Variants in SMYD3 observed in about 807,000 individuals in gnomAD.
SMYD3 encodes SET and MYND domain containing 3.
SMYD3 carries 36 observed loss-of-function variants against 57.7 expected under a neutral mutation model. The observed-to-expected ratio is 0.62, with a 90% CI of 0.48 to 0.82. The LOEUF is 0.82. Ranked by LOEUF, SMYD3 falls within the 40% of genes least tolerant of loss-of-function variation. The probability of loss-of-function intolerance (pLI) is 0.00; values close to 1 mark genes in which losing one functional copy is unlikely to be tolerated. For synonymous variants in SMYD3, 211 were observed against 195.0 expected, an observed-to-expected ratio of 1.08 and a Z score of -0.68; for missense variants, 515 against 538.8, an observed-to-expected ratio of 0.96 and a Z score of 0.44.
chr1:246,088,768 A>G (rs1303487996), intron 5 of SMYD3, among the ~76,000 whole-genome samples: 2 of 152,172 alleles, frequency 1.3e-5, no homozygotes, highest in African/African-American at 4.8e-5. Flanking sequence ...CTTTGTCACA[A>G]TACACTTCCT....
At chr1:245,755,835 G>A (rs1222349729) in intron 11 of SMYD3, among the ~76,000 whole-genome samples, 1 of 151,890 alleles carries the variant, frequency 6.6e-6, no homozygotes, top group East Asian at 1.9e-4. Context: ...TTAAAAATCT[G>A]TTCTACTAAT....
intron 10 of SMYD3, among the ~76,000 whole-genome samples, chr1:245,781,246 A>G (rs1041656918): frequency 4.9e-4 from 75 of 152,256 alleles, no homozygotes; most frequent in Non-Finnish European, 1.8e-4. Flanking sequence ...TATGTAAATT[A>G]TGCTTCAATA....
At chr1:245,887,481 G>A (rs990645637) in intron 8 of SMYD3, among the ~76,000 whole-genome samples, 6 of 151,996 alleles carry the variant, frequency 3.9e-5, no homozygotes, top group Non-Finnish European at 5.9e-5. Flanking sequence ...TTTTGGACTC[G>A]CCCTGAATTC....
intron 5 of SMYD3, among the ~76,000 whole-genome samples, chr1:245,976,070 A>ATGTTATT (rs1307190882): frequency 7.6e-5 from 2 of 26,310 alleles, no homozygotes; most frequent in Non-Finnish European, 2.2e-4. Flanking sequence ...TCTCTAGCCT[A>ATGTTATT]GGGAAAGCCA....
chr1:246,166,904 G>C (rs568006900), intron 5 of SMYD3, among the ~76,000 whole-genome samples: 2 of 152,292 alleles, frequency 1.3e-5, no homozygotes, highest in African/African-American at 2.4e-5. Flanking sequence ...TCACTACAGA[G>C]GAAAACTCGA....
At chr1:245,765,353 C>A (rs1427880152) in intron 10 of SMYD3, among the ~76,000 whole-genome samples, 1 of 151,566 alleles carries the variant, frequency 6.6e-6, no homozygotes, top group African/African-American at 2.4e-5. Flanking sequence ...CACACCACTG[C>A]ACTCCACCCT....
At chr1:246,066,627 A>C (rs1485905654) in intron 5 of SMYD3, among the ~76,000 whole-genome samples, 2 of 152,202 alleles carry the variant, frequency 1.3e-5, no homozygotes, top group African/African-American at 4.8e-5. Context: ...TGTAGAAGCA[A>C]ATACTTTCTA....
At chr1:245,858,422 A>G in intron 10 of SMYD3, 74 bp downstream of exon 10, 1 of 1,430,880 alleles carries the variant, frequency 7.0e-7, no homozygotes, top group Non-Finnish European at 9.4e-7. Flanking sequence ...AATCAGAATG[A>G]CTTCACAACA....
At chr1:246,175,898 C>CT (rs1313780180) in intron 5 of SMYD3, among the ~76,000 whole-genome samples, 1 of 152,084 alleles carries the variant, frequency 6.6e-6, no homozygotes, top group African/African-American at 2.4e-5. Flanking sequence ...AGAATAAAAA[C>CT]TTTTTTCAAA....
chr1:246,213,376 CAAG>C (rs1170763528), intron 5 of SMYD3, among the ~76,000 whole-genome samples: 6 of 152,088 alleles, frequency 3.9e-5, no homozygotes, highest in African/African-American at 1.5e-4. Flanking sequence ...AGCTCATCCG[CAAG>C]AAGACAAAAC....
chr1:245,838,072 G>A (rs537607213), intron 10 of SMYD3, among the ~76,000 whole-genome samples: 58 of 151,758 alleles, frequency 3.8e-4, no homozygotes, highest in Non-Finnish European at 6.5e-4. Context: ...TTTATTTTAA[G>A]GCCATGAAAC....
intron 8 of SMYD3, among the ~76,000 whole-genome samples, chr1:245,894,953 A>T (rs1282543586): frequency 6.6e-6 from 1 of 152,236 alleles, no homozygotes; most frequent in Non-Finnish European, 1.5e-5. Flanking sequence ...GAGCCTGGTG[A>T]GCACAGCTGC....
intron 5 of SMYD3, among the ~76,000 whole-genome samples, chr1:246,067,105 T>C (rs1318549579): frequency 2.0e-5 from 3 of 152,218 alleles, no homozygotes; most frequent in Non-Finnish European, 2.9e-5. Flanking sequence ...GATGACAATC[T>C]AGTTTAATAA....
intron 5 of SMYD3, among the ~76,000 whole-genome samples, chr1:246,273,135 C>CTT (rs71299006): frequency 1.1e-4 from 12 of 107,606 alleles, no homozygotes; most frequent in African/African-American, 1.8e-4. Flanking sequence ...TCCCTGTTTT[C>CTT]TTTTTTTTTT....
At chr1:246,272,566 G>C (rs1243801556) in intron 5 of SMYD3, among the ~76,000 whole-genome samples, 1 of 152,072 alleles carries the variant, frequency 6.6e-6, no homozygotes, top group East Asian at 1.9e-4. Context: ...CCTACAATCT[G>C]TTTATATGAT....
chr1:246,325,605 A>G (rs1482036403), intron 5 of SMYD3, among the ~76,000 whole-genome samples: 1 of 152,174 alleles, frequency 6.6e-6, no homozygotes, highest in Non-Finnish European at 1.5e-5. Flanking sequence ...ACATGGAGAT[A>G]ATTTCATTAT....
At chr1:245,839,839 A>G (rs1313545096) in intron 10 of SMYD3, among the ~76,000 whole-genome samples, 2 of 152,218 alleles carry the variant, frequency 1.3e-5, no homozygotes, top group African/African-American at 2.4e-5. Context: ...CAGAAAAAAA[A>G]AACAATTTTT....
intron 5 of SMYD3, among the ~76,000 whole-genome samples, chr1:246,176,862 T>C (rs931331845): frequency 6.6e-6 from 1 of 152,172 alleles, no homozygotes; most frequent in Non-Finnish European, 1.5e-5. Context: ...ATATTGGCTC[T>C]TCCCCTTAGA....
chr1:246,158,446 C>A (rs1428338409), intron 5 of SMYD3, among the ~76,000 whole-genome samples: 3 of 152,084 alleles, frequency 2.0e-5, no homozygotes, highest in Non-Finnish European at 4.4e-5. Flanking sequence ...CACATTTCAA[C>A]TTTCACTTTG....
Sources: allele counts gnomAD v4.1 joint callset (sites outside exome capture counted in the v4.1 genomes callset), GRCh38; gene constraint gnomAD v4.1.1; transcripts MANE v1.5; gene names NCBI Gene and HGNC (gene_info 2026-07-23, HGNC 2026-07-21).